The following PACSIN2 variants were observed in gnomAD, a reference collection of about 807,000 sequenced individuals.
PACSIN2 encodes the protein protein kinase C and casein kinase substrate in neurons protein 2.
In PACSIN2, 25 loss-of-function variants were observed where a neutral mutation model predicts 63.8. The observed-to-expected ratio is 0.39, with a 90% CI of 0.29 to 0.55. PACSIN2 has a LOEUF of 0.55. PACSIN2 is among the 20% of genes least tolerant of loss of function. The pLI, the probability that PACSIN2 is intolerant of heterozygous loss-of-function variation, is 0.62. For synonymous variants in PACSIN2, 255 were observed against 256.2 expected (o/e 1.00, Z 0.05); for missense variants, 518 against 646.9 (o/e 0.80, Z 2.16).
rs1931281152 is a variant in PACSIN2 at position 42,909,122 on chromosome 22, C to T, written c.60+2899G>A. 3.9e-5 allele frequency among the ~76,000 whole-genome samples: 6 copies of T among 152,280 alleles called. No individual in the cohort carries two copies. The South Asian group carries it at 1.2e-3, about 32-fold the overall frequency. On this transcript the variant is annotated intron_variant, in intron 2 of 10. Transcript: ENST00000263246. ...GTTCCTTCATTCGTCCAGCAAGCAT[C>T]CAAGTGCAGCAACGTCCACTACCCC...
At chr22:42,966,739 A>T (rs1017573209) in intron 1 of PACSIN2, among the ~76,000 whole-genome samples, 2 of 152,190 alleles carry the variant, frequency 1.3e-5, no homozygotes, top group Non-Finnish European at 2.9e-5. Context: ...CTCAGTTAAG[A>T]TGTCACGCAG....
intron 1 of PACSIN2, among the ~76,000 whole-genome samples, chr22:42,941,078 A>G (rs556445418): frequency 6.6e-6 from 1 of 152,230 alleles, no homozygotes; most frequent in South Asian, 2.1e-4. Context: ...GGCAATCACT[A>G]ATCTACTTTC....
chr22:42,884,014 A>AAAAAAGAAAAGAAAAGAAAAGAAAAG (rs548362401), intron 6 of PACSIN2, among the ~76,000 whole-genome samples: 8 of 151,866 alleles, frequency 5.3e-5, no homozygotes, highest in African/African-American at 1.9e-4. Flanking sequence ...TCAAAAAAAA[A>AAAAAAGAAAAGAAAAGAAAAGAAAAG]AAAAGAAAAG....
At chr22:42,989,159 A>G (rs751396905) in intron 1 of PACSIN2, among the ~76,000 whole-genome samples, 10 of 152,170 alleles carry the variant, frequency 6.6e-5, no homozygotes, top group Non-Finnish European at 1.5e-4. Flanking sequence ...GATTACAGGT[A>G]TGAGCCACTG....
At chr22:42,883,083 C>A (rs1929200904) in intron 6 of PACSIN2, among the ~76,000 whole-genome samples, 1 of 152,084 alleles carries the variant, frequency 6.6e-6, no homozygotes, top group Admixed American at 6.6e-5. Context: ...TAGCAGGGGC[C>A]CTAATCCATA....
chr22:42,921,647 T>C (rs1044327567), intron 1 of PACSIN2, among the ~76,000 whole-genome samples: 3 of 152,072 alleles, frequency 2.0e-5, no homozygotes, highest in Non-Finnish European at 4.4e-5. Flanking sequence ...TCAAGGGTTA[T>C]GTACCCATAA....
rs1207851199 is a variant in PACSIN2 at position 42,912,054 on chromosome 22, A to G, written c.27T>C (p.Val9=). 1 of 1,604,358 alleles carries G rather than the reference A, an allele frequency of 6.2e-7. No homozygotes were observed. The highest frequency in any genetic ancestry group is 1.3e-5 in the African/African-American group (1 of 74,356). Reference sequence around the variant, plus strand: ...AGCTGTCGCTGGACACTTCTACTCCAACGGAATCATCATATGTGACAGACA... The same window carrying G: ...AGCTGTCGCTGGACACTTCTACTCCGACGGAATCATCATATGTGACAGACA... MSVTYDDS[V]GVEVSSDSFW... The change falls in exon 2 of 11, where the codon GTT becomes GTC. Residue 9 remains valine, a synonymous_variant. Coordinates refer to ENST00000263246, the MANE Select transcript of PACSIN2 (RefSeq NM_001184970.3).
chr22:42,975,317 C>A (rs933932469), intron 1 of PACSIN2, among the ~76,000 whole-genome samples: 1 of 151,960 alleles, frequency 6.6e-6, no homozygotes, highest in Admixed American at 6.6e-5. Context: ...TAAAATATAT[C>A]TATTAAAAGG....
intron 1 of PACSIN2, among the ~76,000 whole-genome samples, chr22:42,970,939 C>T (rs1921211209): frequency 1.3e-5 from 2 of 152,172 alleles, no homozygotes; most frequent in African/African-American, 2.4e-5. Context: ...CCCTGCACCA[C>T]CCTGCCCTGC....
intron 3 of PACSIN2, 24 bp from the exon 4 acceptor site, chr22:42,891,206 G>T: frequency 6.5e-7 from 1 of 1,549,260 alleles, no homozygotes. Flanking sequence ...AGAAGCTGCG[G>T]GTCACTCAGC....
Position 42,871,567 on chromosome 22 carries a change from G to A in PACSIN2, c.1349-98C>T. On this transcript the variant is annotated intron_variant, in intron 10 of 10. Coordinates refer to ENST00000263246, the MANE Select transcript of PACSIN2 (RefSeq NM_001184970.3). This position sits in a 1 kb window ranked among gnomAD's most constrained non-coding sequence, Gnocchi z 5.4. The stretch of plus-strand genomic sequence containing the variant: ...AGCTTTGAGCCCACAGAGGGTGGAG[G>A]GCCAGGCATTCTGTGGCGGGCAGGC... 2.1e-6 allele frequency: 2 copies of A among 934,394 alleles called. No homozygotes were observed. The highest frequency in any genetic ancestry group is 3.5e-6 in the Non-Finnish European group (2 of 569,660). 57.9% of individuals were successfully genotyped at this position (934,394 alleles called of 1,614,324 possible). A position where few individuals can be genotyped will look rare whatever the true frequency, so the allele number is the denominator to read the frequency against.
intron 1 of PACSIN2, among the ~76,000 whole-genome samples, chr22:42,959,204 G>A (rs1934036556): frequency 6.6e-6 from 1 of 152,154 alleles, no homozygotes; most frequent in South Asian, 2.1e-4. Flanking sequence ...TCATGAAACA[G>A]CAATTACAGT....
intron 1 of PACSIN2, among the ~76,000 whole-genome samples, chr22:42,924,285 C>T (rs1305205502): frequency 6.6e-6 from 1 of 152,124 alleles, no homozygotes; most frequent in East Asian, 1.9e-4. Context: ...AGTCTTCTTC[C>T]CTCTAACAGA....
At chr22:42,907,928 G>A (rs1007839536) in intron 2 of PACSIN2, among the ~76,000 whole-genome samples, 2 of 152,252 alleles carry the variant, frequency 1.3e-5, no homozygotes, top group African/African-American at 4.8e-5. Context: ...CAGTGCTAGA[G>A]TCTGAGAGAA....
At chr22:42,952,340 A>G (rs1933731542) in intron 1 of PACSIN2, among the ~76,000 whole-genome samples, 1 of 151,456 alleles carries the variant, frequency 6.6e-6, no homozygotes, top group Admixed American at 6.6e-5. Flanking sequence ...TATTTTATTT[A>G]TTTATTTTTT....
At chr22:42,987,014 C>T (rs1004769565) in intron 1 of PACSIN2, among the ~76,000 whole-genome samples, 12 of 149,862 alleles carry the variant, frequency 8.0e-5, no homozygotes, top group Admixed American at 1.3e-4. Flanking sequence ...TTCCCACTGA[C>T]GCCTTCCCTA....
At chr22:42,967,025 C>T (rs1323893899) in intron 1 of PACSIN2, among the ~76,000 whole-genome samples, 1 of 152,148 alleles carries the variant, frequency 6.6e-6, no homozygotes, top group African/African-American at 2.4e-5. Context: ...TTAACTTAAA[C>T]GAACTTGTCC....
At position 42,979,523 on chromosome 22, in the gene PACSIN2, CAAAAA is replaced by C. The variant is rs768725896; in HGVS notation, c.-78+35493_-78+35497del. ...TAGGCAACAAAGCAAGACTCCCTCT[CAAAAA>C]AAAAAAAAAAAAAAAAGGAAAGAAA... On this transcript the variant is annotated intron_variant, in intron 1 of 10. Transcript: ENST00000263246. 4.6e-3 allele frequency among the ~76,000 whole-genome samples: 281 copies of C among 61,610 alleles called. 1 individual carries two copies. The highest frequency in any genetic ancestry group is 0.017 in the African/African-American group (268 of 16,194). 40.4% of individuals were successfully genotyped at this position (61,610 alleles called of 152,430 possible). A position where few individuals can be genotyped will look rare whatever the true frequency, so the allele number is the denominator to read the frequency against.
chr22:42,907,680 C>T (rs1389905053), intron 2 of PACSIN2, among the ~76,000 whole-genome samples: 1 of 152,264 alleles, frequency 6.6e-6, no homozygotes, highest in African/African-American at 2.4e-5. Flanking sequence ...GACATTCGCT[C>T]GCTTCGTGCT....
Sources: gnomAD v4.1 joint callset for allele counts (sites outside exome capture counted in the v4.1 genomes callset) on GRCh38, gnomAD v4.1.1 for gene constraint, Gnocchi (gnomAD v3.1) non-coding constraint, MANE v1.5 for transcripts, NCBI Gene and HGNC (gene_info 2026-07-23, HGNC 2026-07-21) for gene names.